Variants in CDC42SE2 observed in about 807,000 individuals in gnomAD.
CDC42SE2 encodes CDC42 small effector 2.
Under a neutral mutation model 11.5 loss-of-function variants are expected in CDC42SE2, and 3 were observed. That is an observed-to-expected ratio of 0.26 (90% CI 0.12 to 0.67). The LOEUF (loss-of-function observed/expected upper bound fraction) is 0.67. Among genes scored for constraint, CDC42SE2 ranks in the 30% least tolerant of loss-of-function variants. The pLI, the probability that CDC42SE2 is intolerant of heterozygous loss-of-function variation, is 0.80. For synonymous variants in CDC42SE2, 33 were observed against 34.8 expected (o/e 0.95, Z 0.18); for missense variants, 82 against 106.8 (o/e 0.77, Z 1.02).
intron 1 of CDC42SE2, among the ~76,000 whole-genome samples, chr5:131,292,473 C>T (rs1205473130): frequency 2.7e-5 from 4 of 146,352 alleles, no homozygotes; most frequent in Non-Finnish European, 6.0e-5. Flanking sequence ...GAGGCTGAGG[C>T]AGGAGAATTG....
At chr5:131,326,165 C>T (rs545583937) in intron 2 of CDC42SE2, among the ~76,000 whole-genome samples, 43 of 150,350 alleles carry the variant, frequency 2.9e-4, no homozygotes, top group Admixed American at 1.3e-4. Flanking sequence ...AGTGCAGTGG[C>T]GCAATCTCAG....
intron 3 of CDC42SE2, among the ~76,000 whole-genome samples, chr5:131,370,839 A>G (rs1016571529): frequency 6.6e-6 from 1 of 152,138 alleles, no homozygotes; most frequent in Non-Finnish European, 1.5e-5. Flanking sequence ...TGGGGTTTAT[A>G]AGCCTAGACA....
At chr5:131,253,382 C>T (rs557267589) in intron 1 of CDC42SE2, among the ~76,000 whole-genome samples, 166 of 152,328 alleles carry the variant, frequency 1.1e-3, no homozygotes, top group African/African-American at 3.8e-3. Context: ...GAAATCCCTA[C>T]TACCTACTAT....
intron 1 of CDC42SE2, among the ~76,000 whole-genome samples, chr5:131,310,938 T>C (rs915038747): frequency 1.8e-4 from 27 of 151,852 alleles, no homozygotes; most frequent in African/African-American, 6.5e-4. Context: ...TTAGTCCATT[T>C]ACATTTAAAG....
chr5:131,295,150 G>A (rs1414666074), intron 1 of CDC42SE2, among the ~76,000 whole-genome samples: 1 of 151,560 alleles, frequency 6.6e-6, no homozygotes, highest in Non-Finnish European at 1.5e-5. Context: ...AGGCATGGAG[G>A]TGGGCACCTG....
intron 2 of CDC42SE2, among the ~76,000 whole-genome samples, chr5:131,329,511 G>A (rs139718664): frequency 1.3e-5 from 2 of 152,222 alleles, no homozygotes; most frequent in East Asian, 3.9e-4. Context: ...TTTCCTCGAA[G>A]CACATAAAAA....
upstream of CDC42SE2, among the ~76,000 whole-genome samples, chr5:131,240,775 G>A (rs9285921): frequency 0.13 from 19,770 of 152,144 alleles, 3,036 homozygotes; most frequent in African/African-American, 0.37. Flanking sequence ...CTGGAAAACA[G>A]TGTGCTCATA....
At chr5:131,346,695 T>C (rs1240855879) in intron 2 of CDC42SE2, among the ~76,000 whole-genome samples, 3 of 152,308 alleles carry the variant, frequency 2.0e-5, no homozygotes, top group East Asian at 1.9e-4. Context: ...ATCAACAGAA[T>C]ATACATTCTT....
chr5:131,307,766 G>T (rs1757810484), intron 1 of CDC42SE2, among the ~76,000 whole-genome samples: 1 of 152,176 alleles, frequency 6.6e-6, no homozygotes, highest in Non-Finnish European at 1.5e-5. Context: ...ATTCTAACTG[G>T]TGTGAGATGG....
intron 1 of CDC42SE2, among the ~76,000 whole-genome samples, chr5:131,306,825 C>T (rs879944085): frequency 6.6e-6 from 1 of 152,024 alleles, no homozygotes; most frequent in Non-Finnish European, 1.5e-5. Flanking sequence ...TAAATTTAAT[C>T]CTAAATATAT....
intron 3 of CDC42SE2, among the ~76,000 whole-genome samples, chr5:131,378,256 G>A (rs764174662): frequency 2.4e-4 from 36 of 152,084 alleles, no homozygotes; most frequent in Non-Finnish European, 5.0e-4. Context: ...TTCATTTTTT[G>A]TGTCAATGAA....
chr5:131,345,878 A>G lies in CDC42SE2; in HGVS notation c.-285-13331A>G, dbSNP rs538537259. ...TTAAAGAAAAGAATTTTCAACCCAG[A>G]ATTTCATATCCAGCCAAACTAAGCT... On this transcript the variant is annotated intron_variant, in intron 2 of 4. Coordinates refer to ENST00000505065, the MANE Select transcript of CDC42SE2 (RefSeq NM_001375635.1). 2.7e-3 allele frequency among the ~76,000 whole-genome samples: 416 copies of G among 151,950 alleles called. 4 individuals carry two copies. The highest frequency in any genetic ancestry group is 3.8e-3 in the Non-Finnish European group (259 of 67,826).
chr5:131,284,792 T>C (rs1483685150), intron 1 of CDC42SE2, among the ~76,000 whole-genome samples: 3 of 152,190 alleles, frequency 2.0e-5, no homozygotes, highest in Admixed American at 1.3e-4. Flanking sequence ...AAAATGTTTC[T>C]ATATTTTCCA....
At chr5:131,290,504 A>C (rs1757436211) in intron 1 of CDC42SE2, among the ~76,000 whole-genome samples, 2 of 115,518 alleles carry the variant, frequency 1.7e-5, no homozygotes, top group Admixed American at 1.1e-4. Flanking sequence ...TTTTTTTGAG[A>C]CAGGGTATGG....
At chr5:131,299,642 G>A (rs1166550946) in intron 1 of CDC42SE2, among the ~76,000 whole-genome samples, 2 of 152,184 alleles carry the variant, frequency 1.3e-5, no homozygotes, top group African/African-American at 2.4e-5. Context: ...ACATGCAGCT[G>A]GGTGTGAGGC....
the CDC42SE2 span, among the ~76,000 whole-genome samples, chr5:131,238,285 C>T: frequency 5.5e-4 from 84 of 152,102 alleles, no homozygotes; most frequent in Middle Eastern, 3.4e-3. Flanking sequence ...ATCGCGAGGT[C>T]AGGAGATCGA....
intron 2 of CDC42SE2, among the ~76,000 whole-genome samples, chr5:131,338,409 T>C (rs1416883605): frequency 6.6e-6 from 1 of 152,212 alleles, no homozygotes; most frequent in Non-Finnish European, 1.5e-5. Context: ...AATGGCCTGA[T>C]AGATGGGAAT....
chr5:131,276,407 C>T (rs1247752752), intron 1 of CDC42SE2, among the ~76,000 whole-genome samples: 1 of 151,626 alleles, frequency 6.6e-6, no homozygotes, highest in Admixed American at 6.6e-5. Context: ...CGAGATCTCA[C>T]CACTGCAGTC....
intron 4 of CDC42SE2, among the ~76,000 whole-genome samples, chr5:131,388,243 C>T (rs1370110677): frequency 6.6e-6 from 1 of 152,154 alleles, no homozygotes; most frequent in Non-Finnish European, 1.5e-5. Context: ...GATCCACCCA[C>T]CTCGGCCTCC....
Sources: gnomAD v4.1 joint callset for allele counts (sites outside exome capture counted in the v4.1 genomes callset) on GRCh38, gnomAD v4.1.1 for gene constraint, MANE v1.5 for transcripts, NCBI Gene and HGNC (gene_info 2026-07-23, HGNC 2026-07-21) for gene names.